Variants in STXBP2 observed in about 807,000 individuals in gnomAD.
STXBP2 encodes syntaxin binding protein 2, also known as syntaxin-binding protein 2.
In STXBP2, 47 loss-of-function variants were observed where a neutral mutation model predicts 72.2. The observed-to-expected ratio is 0.65, with a 90% CI of 0.51 to 0.83. The LOEUF (loss-of-function observed/expected upper bound fraction) is 0.83, where lower values mean the gene tolerates loss of function less well. STXBP2 is among the 40% of genes least tolerant of loss of function. The probability of loss-of-function intolerance (pLI) is 0.00; values close to 1 mark genes in which losing one functional copy is unlikely to be tolerated. For missense variants in STXBP2, 702 were observed against 807.6 expected, an observed-to-expected ratio of 0.87 and a Z score of 1.58; for synonymous variants, 367 against 338.7, an observed-to-expected ratio of 1.08 and a Z score of -0.92.
At chr19:7,638,284 A>G (rs986215980) in intron 1 of STXBP2, among the ~76,000 whole-genome samples, 2 of 152,222 alleles carry the variant, frequency 1.3e-5, no homozygotes, top group African/African-American at 2.4e-5. Flanking sequence ...GTGACCCCAG[A>G]AGCCAATTTG....
At chr19:7,633,581 C>T, upstream of STXBP2, 1 of 842,962 alleles carries the variant, frequency 1.2e-6, no homozygotes, top group South Asian at 1.6e-5. Context: ...AGCTCATGCC[C>T]CATCTGCTCC....
At position 7,642,949 on chromosome 19, in the gene STXBP2, C is replaced by G; in HGVS notation, c.961-34C>G. 1 of 1,613,884 alleles carries G rather than the reference C, an allele frequency of 6.2e-7. No individual in the cohort carries two copies. The highest frequency in any genetic ancestry group is 1.1e-5 in the South Asian group (1 of 91,088). ...AGGTGGGCACTGCCTGGCTTCGCCC[C>G]CCAATCCCTACCCTCTTCCCCCTAC... On this transcript the variant is annotated intron_variant, in intron 11 of 18. Transcript: ENST00000221283. This position sits in a 1 kb window ranked among gnomAD's most constrained non-coding sequence, Gnocchi z 6.0.
chr19:7,637,188 T>C lies in STXBP2; in HGVS notation c.37+2T>C. ...GGCTGAAGGCGGTGGTGGGGGAAAG[T>C]GAGTGCCTCTCCGGGGCCGGGCTCT... On this transcript the variant is annotated splice_donor_variant, in intron 1 of 18. Transcript: ENST00000221283. LOFTEE classifies it high-confidence loss of function. The C allele has an allele frequency of 8.0e-7, 1 of 1,243,010 alleles. No individual in the cohort carries two copies. Among genetic ancestry groups the C allele is most frequent in the East Asian group, 3.2e-5 (1 of 31,658 alleles). 77.0% of individuals were successfully genotyped at this position (1,243,010 alleles called of 1,614,324 possible). A position where few individuals can be genotyped will look rare whatever the true frequency, so the allele number is the denominator to read the frequency against.
intron 2 of STXBP2, 107 bp downstream of exon 2, chr19:7,638,882 A>C: frequency 1.3e-6 from 2 of 1,572,804 alleles, no homozygotes; most frequent in Non-Finnish European, 1.7e-6. Context: ...ACATGGGTGG[A>C]GTTGGGTGAA....
the STXBP2 span, chr19:7,631,825 G>T: frequency 7.2e-7 from 1 of 1,385,116 alleles, no homozygotes; most frequent in Non-Finnish European, 9.4e-7. Flanking sequence ...ATGAAGAGGG[G>T]TCAGCCAGGG....
intron 16 of STXBP2, chr19:7,646,619 T>C (rs931904122): frequency 1.9e-6 from 1 of 528,642 alleles, no homozygotes; most frequent in Non-Finnish European, 3.5e-6. Flanking sequence ...CCCGCAGGAG[T>C]GCCCCTGAGC....
chr19:7,645,237 C>G lies in STXBP2; in HGVS notation c.1287C>G (p.Ala429=). The change falls in exon 15 of 19, where the codon GCC becomes GCG. Residue 429 remains alanine, a synonymous_variant. Transcript: ENST00000221283. The part of the protein sequence containing the change: ...EENLAKLIQH[A]NVQAHSSLIR... Reference sequence around the variant, plus strand: ...ACCTGGCCAAGCTGATCCAGCATGCCAATGTACAGGCGCACAGCAGCCTCA... The same window carrying G: ...ACCTGGCCAAGCTGATCCAGCATGCGAATGTACAGGCGCACAGCAGCCTCA... 6.3e-7 allele frequency: 1 copy of G among 1,578,196 alleles called. No homozygotes were observed. Among genetic ancestry groups the G allele is most frequent in the Non-Finnish European group, 8.6e-7 (1 of 1,160,798 alleles).
intron 14 of STXBP2, 172 bp from the exon 15 acceptor site, chr19:7,645,025 T>C: frequency 6.9e-7 from 1 of 1,453,170 alleles, no homozygotes; most frequent in Non-Finnish European, 9.1e-7. Context: ...GCCCCTGATC[T>C]ACCCCCTCCA....
the STXBP2 span, chr19:7,629,947 G>C: frequency 7.2e-7 from 1 of 1,384,006 alleles, no homozygotes; most frequent in East Asian, 2.6e-5. Context: ...GGACTTCAAA[G>C]GAAGAGGGAG....
chr19:7,642,157 C>A lies in STXBP2; in HGVS notation c.663+39C>A, dbSNP rs1182845902. The A allele has an allele frequency of 6.2e-7, 1 of 1,614,062 alleles. No homozygotes were observed. Among genetic ancestry groups the A allele is most frequent in the African/African-American group, 1.3e-5 (1 of 75,018 alleles). On this transcript the variant is annotated intron_variant, in intron 8 of 18. Coordinates refer to ENST00000221283, the MANE Select transcript of STXBP2 (RefSeq NM_006949.4). This position sits in a 1 kb window ranked among gnomAD's most constrained non-coding sequence, Gnocchi z 6.0. ...CTTGGGAGGTGAGGGGCAGCCCCAA[C>A]CGGCTCAGGGTCAGTGCCTCATTCC...
rs572480735 is a variant in STXBP2 at position 7,646,648 on chromosome 19, A to G, written c.1452+304A>G. 1,518 of 486,140 alleles carry G rather than the reference A, an allele frequency of 3.1e-3. 18 individuals are homozygous for G. The highest frequency in any genetic ancestry group is 0.027 in the African/African-American group (1,368 of 51,470). The allele number at this position is 486,140 out of a possible 1,614,324, so 30.1% of individuals were successfully genotyped here. ...CCTGAGCCCCAGCCCTGGCCTTCCC[A>G]GGATCCCAGGGCAGCACCATCCAAT... On this transcript the variant is annotated intron_variant, in intron 16 of 18. Transcript: ENST00000221283.
intron 2 of STXBP2, 80 bp from the exon 3 acceptor site, chr19:7,638,939 C>G: frequency 6.3e-7 from 1 of 1,588,112 alleles, no homozygotes; most frequent in Non-Finnish European, 8.6e-7. Flanking sequence ...ACTGCCCCTC[C>G]CACTGCCTTG....
rs567637942 is a variant in STXBP2, at chr19:7,640,539, TGTGC to T, written c.247-183_247-180del. The T allele has an allele frequency of 3.0e-3, 2,147 of 710,902 alleles. 12 individuals are homozygous for T. Among genetic ancestry groups the T allele is most frequent in the Middle Eastern group, 5.0e-3 (21 of 4,234 alleles). 44.0% of individuals were successfully genotyped at this position (710,902 alleles called of 1,614,324 possible). On this transcript the variant is annotated intron_variant, in intron 4 of 18. Transcript: ENST00000221283. ...ATGTGTGCATGCGTGTGTATGTGTG[TGTGC>T]GTGCGTGCATCTGTGTGTGTGCGCG... is the stretch of plus-strand genomic sequence containing the variant.
At chr19:7,631,833 G>A in the STXBP2 span, 67 of 1,384,440 alleles carry the variant, frequency 4.8e-5, no homozygotes, top group Non-Finnish European at 6.0e-5. Flanking sequence ...GGGTCAGCCA[G>A]GGGGAGGGCT....
the STXBP2 span, chr19:7,631,166 G>A: frequency 7.1e-6 from 8 of 1,131,832 alleles, no homozygotes; most frequent in African/African-American, 3.1e-5. Flanking sequence ...CCAAGATCAC[G>A]CCACTGCACT....
At chr19:7,639,847 C>A (rs200272794) in intron 4 of STXBP2, 40 bp downstream of exon 4, 3 of 1,590,080 alleles carry the variant, frequency 1.9e-6, no homozygotes, top group Non-Finnish European at 2.6e-6. Flanking sequence ...CGCGTGCATG[C>A]GTGTACATGT....
intron 15 of STXBP2, 93 bp from the exon 16 acceptor site, chr19:7,646,156 T>A (rs921625015): frequency 1.9e-6 from 2 of 1,028,940 alleles, no homozygotes; most frequent in Non-Finnish European, 2.9e-6. Flanking sequence ...TTGCCTGCCA[T>A]CCCCCACCCT....
intron 12 of STXBP2, 23 bp from the exon 13 acceptor site, chr19:7,643,142 A>ACTC: frequency 6.2e-7 from 1 of 1,613,882 alleles, no homozygotes. Context: ...GTTATCCCCC[A>ACTC]ACCCCCACCC....
In STXBP2 at chr19:7,642,946, C is replaced by A. The variant is rs748609361; in HGVS notation, c.961-37C>A. 2 of 1,613,512 alleles carry A rather than the reference C, an allele frequency of 1.2e-6. No individual in the cohort carries two copies. The highest frequency in any genetic ancestry group is 1.1e-5 in the South Asian group (1 of 91,072). ...CCCAGGTGGGCACTGCCTGGCTTCG[C>A]CCCCCAATCCCTACCCTCTTCCCCC... is the stretch of plus-strand genomic sequence containing the variant. On this transcript the variant is annotated intron_variant, in intron 11 of 18. Transcript: ENST00000221283. This position sits in a 1 kb window ranked among gnomAD's most constrained non-coding sequence, Gnocchi z 6.0.
Sources: allele counts gnomAD v4.1 joint callset (sites outside exome capture counted in the v4.1 genomes callset), GRCh38; gene constraint gnomAD v4.1.1; non-coding constraint Gnocchi (gnomAD v3.1); transcripts MANE v1.5; gene names NCBI Gene and HGNC (gene_info 2026-07-23, HGNC 2026-07-21).